Variants in TMIGD3 observed in about 807,000 individuals in gnomAD.
TMIGD3 encodes the protein AD026 protein (AD026).
A neutral mutation model predicts 28.1 loss-of-function variants in TMIGD3; 21 were observed. The ratio of observed to expected loss-of-function variants is 0.75; its 90% confidence interval spans 0.53 to 1.08. The LOEUF is 1.08. TMIGD3 is among the 50% of genes least tolerant of loss of function. The pLI, the probability that TMIGD3 is intolerant of heterozygous loss-of-function variation, is 0.00. For synonymous variants in TMIGD3, 151 were observed against 162.1 expected (o/e 0.93, Z 0.52); for missense variants, 416 against 435.6 (o/e 0.96, Z 0.40).
intron 2 of TMIGD3, among the ~76,000 whole-genome samples, 173 bp from the exon 3 acceptor site, chr1:111,489,197 A>G (rs1654537175): frequency 6.6e-6 from 1 of 152,064 alleles, no homozygotes; most frequent in Admixed American, 6.5e-5. Flanking sequence ...TTCAAAACTC[A>G]TATGTTTCAG....
At chr1:111,503,988 C>A (rs534460331), upstream of TMIGD3, 14 of 985,270 alleles carry the variant, frequency 1.4e-5, no homozygotes, top group East Asian at 1.1e-4. Context: ...AGGAGGCAAA[C>A]GGGAGAAGCA....
rs1164416181 is a variant in TMIGD3, at chr1:111,502,285, T to TG, written c.350+719_350+720insC. 2.0e-4 allele frequency among the ~76,000 whole-genome samples: 20 copies of TG among 100,602 alleles called. 6 individuals carry two copies. Among genetic ancestry groups the TG allele is most frequent in the South Asian group, 1.2e-3 (4 of 3,276 alleles). 66.0% of individuals were successfully genotyped at this position (100,602 alleles called of 152,430 possible). ...TATATAGGATATATATTCATTATAATAAATATATAGGATATATATTCATTA... is the reference window on the plus strand; with the variant it reads ...TATATAGGATATATATTCATTATAATGAAATATATAGGATATATATTCATTA... On this transcript the variant is annotated intron_variant, in intron 1 of 5. Transcript: ENST00000369716.
chr1:111,541,555 G>C (rs1043639304), intron 1 of TMIGD3, among the ~76,000 whole-genome samples: 26 of 152,280 alleles, frequency 1.7e-4, no homozygotes, highest in African/African-American at 6.3e-4. Context: ...GTGACGCTTG[G>C]CAGACAGTAG....
rs35986308 is a variant in TMIGD3, at chr1:111,503,033, G to C, written c.322C>G (p.Arg108Gly). The C allele has an allele frequency of 6.2e-7, 1 of 1,614,000 alleles. No homozygotes were observed. Among genetic ancestry groups the C allele is most frequent in the Non-Finnish European group, 8.5e-7 (1 of 1,180,030 alleles). ...IMSLLAIAVD[R>G]YLRVKLTVRF... ...ACGGTAAGCTTGACCCGCAAGTATC[G>C]GTCCACAGCGATGGCCAGCAAGGAC... is the stretch of plus-strand genomic sequence containing the variant. The change falls in exon 1 of 6, where the codon CGA becomes GGA. Residue 108 changes from arginine to glycine, a missense_variant. Coordinates refer to ENST00000369716, the MANE Select transcript of TMIGD3 (RefSeq NM_020683.7).
intron 1 of TMIGD3, among the ~76,000 whole-genome samples, chr1:111,511,373 A>G (rs74112309): frequency 0.02 from 3,090 of 152,204 alleles, 98 homozygotes; most frequent in African/African-American, 0.072. Context: ...ATTATGTAGT[A>G]CTCTCAGGTC....
intron 1 of TMIGD3, among the ~76,000 whole-genome samples, chr1:111,550,423 G>A (rs1024859064): frequency 1.3e-5 from 2 of 151,886 alleles, no homozygotes; most frequent in African/African-American, 4.8e-5. Context: ...AGATCATGTT[G>A]TTGATTTGAG....
intron 1 of TMIGD3, chr1:111,500,085 G>A: frequency 6.2e-7 from 1 of 1,614,218 alleles, no homozygotes; most frequent in Non-Finnish European, 8.5e-7. Context: ...TCATCATGGA[G>A]TTGGCATGGG....
At chr1:111,535,821 G>T (rs1178765817) in intron 1 of TMIGD3, among the ~76,000 whole-genome samples, 1 of 152,188 alleles carries the variant, frequency 6.6e-6, no homozygotes, top group Non-Finnish European at 1.5e-5. Flanking sequence ...GAATCAAAAA[G>T]ATGTTAGCCA....
intron 1 of TMIGD3, among the ~76,000 whole-genome samples, chr1:111,529,376 CTT>C (rs1016199558): frequency 9.9e-6 from 1 of 101,244 alleles, no homozygotes; most frequent in Non-Finnish European, 2.3e-5. Flanking sequence ...TTCTTTCTTT[CTT>C]TTTTTTTTAA....
At chr1:111,544,015 AT>A (rs1656945582) in intron 1 of TMIGD3, among the ~76,000 whole-genome samples, 1 of 152,216 alleles carries the variant, frequency 6.6e-6, no homozygotes, top group South Asian at 2.1e-4. Flanking sequence ...CTAGGCATCT[AT>A]TGGAAGTCAT....
intron 1 of TMIGD3, among the ~76,000 whole-genome samples, chr1:111,535,555 A>T (rs2101018472): frequency 6.6e-6 from 1 of 152,310 alleles, no homozygotes; most frequent in South Asian, 2.1e-4. Context: ...CCCACCTAAA[A>T]TGGTCATCGT....
rs368973042 is a variant in TMIGD3 at position 111,511,656 on chromosome 1, A to G, written c.108-20894T>C. 1.9e-4 allele frequency among the ~76,000 whole-genome samples: 25 copies of G among 132,986 alleles called. No homozygotes were observed. In the East Asian group the frequency reaches 3.0e-3, roughly 16 times the overall value. 87.2% of individuals were successfully genotyped at this position (132,986 alleles called of 152,430 possible). Reference sequence around the variant, plus strand: ...TTTCATTCCCTCATCTCTGTGATCTATCTCAAATGGTGCCCTTTACACACA... The same window carrying G: ...TTTCATTCCCTCATCTCTGTGATCTGTCTCAAATGGTGCCCTTTACACACA... On this transcript the variant is annotated intron_variant, in intron 1 of 5. Coordinates refer to the TMIGD3 transcript ENST00000369717.
At chr1:111,518,687 T>C (rs1370083333) in intron 1 of TMIGD3, among the ~76,000 whole-genome samples, 1 of 152,166 alleles carries the variant, frequency 6.6e-6, no homozygotes, top group Non-Finnish European at 1.5e-5. Flanking sequence ...GTAGGATCAT[T>C]ACATCATGCT....
At chr1:111,563,736 T>C in intron 1 of TMIGD3, 1 of 757,586 alleles carries the variant, frequency 1.3e-6, no homozygotes, top group East Asian at 2.5e-5. Context: ...GACAAAGCAT[T>C]GATTAAGTAG....
intron 3 of TMIGD3, 139 bp from the exon 4 acceptor site, chr1:111,486,791 A>G: frequency 1.3e-6 from 1 of 746,790 alleles, no homozygotes; most frequent in South Asian, 1.5e-5. Flanking sequence ...CAGAGGTACC[A>G]CGCGCAGTTG....
intron 1 of TMIGD3, among the ~76,000 whole-genome samples, chr1:111,527,602 G>C (rs1343365054): frequency 6.6e-6 from 1 of 152,184 alleles, no homozygotes; most frequent in African/African-American, 2.4e-5. Context: ...CTTCCAAAGT[G>C]TCTTCACCAT....
At chr1:111,498,120 C>A (rs1170218477) in intron 1 of TMIGD3, among the ~76,000 whole-genome samples, 1 of 152,172 alleles carries the variant, frequency 6.6e-6, no homozygotes, top group Non-Finnish European at 1.5e-5. Context: ...AGCAAAGCTC[C>A]TTTGCTGAAA....
At chr1:111,505,778 C>T (rs1052406993), upstream of TMIGD3, among the ~76,000 whole-genome samples, 1 of 152,202 alleles carries the variant, frequency 6.6e-6, no homozygotes, top group Non-Finnish European at 1.5e-5. Context: ...AGAGGAACCA[C>T]GCCAGAGCTC....
chr1:111,499,885 G>A (rs1655071784), intron 1 of TMIGD3: 1 of 1,579,580 alleles, frequency 6.3e-7, no homozygotes, highest in Non-Finnish European at 8.6e-7. Flanking sequence ...AGGCATACAG[G>A]CCCTCAAGTG....
Sources: gnomAD v4.1 joint callset for allele counts (sites outside exome capture counted in the v4.1 genomes callset) on GRCh38, gnomAD v4.1.1 for gene constraint, MANE v1.5 for transcripts, NCBI Gene and HGNC (gene_info 2026-07-23, HGNC 2026-07-21) for gene names.